Variants in CCDC178 observed in about 807,000 individuals in gnomAD.
CCDC178 encodes coiled-coil domain containing 178, also known as coiled-coil domain-containing protein 178.
Under a neutral mutation model 117.4 loss-of-function variants are expected in CCDC178, and 126 were observed. The ratio of observed to expected loss-of-function variants is 1.07; its 90% CI spans 0.93 to 1.24. The LOEUF is 1.24. Among genes scored for constraint, CCDC178 ranks in the 50% most tolerant of loss-of-function variants. CCDC178 has a pLI of 0.00. For missense variants in CCDC178, 1,030 were observed against 986.9 expected, an observed-to-expected ratio of 1.04 and a Z score of -0.59; for synonymous variants, 283 against 313.4, an observed-to-expected ratio of 0.90 and a Z score of 1.02.
intron 5 of CCDC178, among the ~76,000 whole-genome samples, chr18:33,372,020 T>A (rs1018833320): frequency 1.1e-4 from 16 of 152,244 alleles, no homozygotes; most frequent in Non-Finnish European, 2.2e-4. Flanking sequence ...AGAATAGTAA[T>A]GATTCCTTTT....
chr18:33,217,089 T>C (rs1305430567), intron 18 of CCDC178, among the ~76,000 whole-genome samples: 1 of 152,116 alleles, frequency 6.6e-6, no homozygotes, highest in Non-Finnish European at 1.5e-5. Flanking sequence ...ATATTTATGA[T>C]CTGGTCATCT....
At position 33,047,413 on chromosome 18, in the gene CCDC178, A is replaced by T. The variant is rs527306205; in HGVS notation, c.2388+45348T>A. On this transcript the variant is annotated intron_variant, in intron 21 of 22. Coordinates refer to ENST00000383096, the MANE Select transcript of CCDC178 (RefSeq NM_001105528.4). Reference sequence around the variant, plus strand: ...GGTTTCATTTTTGTGATATATCTGCATTTCACTGGCTATGTTTGTCAACTA... The same window carrying T: ...GGTTTCATTTTTGTGATATATCTGCTTTTCACTGGCTATGTTTGTCAACTA... Among the ~76,000 whole-genome samples, 12 of 152,300 alleles carry T rather than the reference A, an allele frequency of 7.9e-5. No individual in the cohort carries two copies. The East Asian group carries it at 2.3e-3, about 29-fold the overall frequency.
chr18:33,268,782 C>G (rs2059851978), intron 12 of CCDC178, among the ~76,000 whole-genome samples: 1 of 151,230 alleles, frequency 6.6e-6, no homozygotes. Context: ...AAAACTCCCT[C>G]TTATATAAAT....
At chr18:33,167,791 C>T (rs1039393304) in intron 20 of CCDC178, among the ~76,000 whole-genome samples, 19 of 151,992 alleles carry the variant, frequency 1.3e-4, no homozygotes, top group African/African-American at 4.1e-4. Flanking sequence ...TGCATAACCC[C>T]GGAAGGTGGA....
rs1427894330 is a variant in CCDC178 at position 33,110,443 on chromosome 18, T to C, written c.2239-17533A>G. ...ATGTATTTCTTTCATGGTTGGTACT[T>C]GTGTCTCATTTAAAACAACTCTGGC... is the stretch of plus-strand genomic sequence containing the variant. On this transcript the variant is annotated intron_variant, in intron 20 of 22. Coordinates refer to ENST00000383096, the MANE Select transcript of CCDC178 (RefSeq NM_001105528.4). 2.6e-5 allele frequency among the ~76,000 whole-genome samples: 4 copies of C among 151,750 alleles called. No individual in the cohort carries two copies. The South Asian group carries it at 6.2e-4, about 24-fold the overall frequency.
chr18:33,408,813 A>T (rs1303383385), intron 3 of CCDC178, among the ~76,000 whole-genome samples: 1 of 152,188 alleles, frequency 6.6e-6, no homozygotes, highest in Non-Finnish European at 1.5e-5. Context: ...TGATACAAAT[A>T]AATGTGATGC....
intron 20 of CCDC178, among the ~76,000 whole-genome samples, chr18:33,131,669 T>G (rs1296131290): frequency 6.6e-6 from 1 of 151,726 alleles, no homozygotes. Flanking sequence ...GAATGATTGT[T>G]TCAGAGAAAT....
intron 20 of CCDC178, among the ~76,000 whole-genome samples, chr18:33,207,472 G>A (rs927578675): frequency 6.6e-6 from 1 of 151,004 alleles, no homozygotes. Context: ...AGTGGGGTAA[G>A]GCATTGCAAA....
At chr18:33,415,475 C>T (rs1217878198) in intron 2 of CCDC178, among the ~76,000 whole-genome samples, 3 of 151,432 alleles carry the variant, frequency 2.0e-5, no homozygotes, top group Non-Finnish European at 2.9e-5. Context: ...ACCGCATGTT[C>T]TCACTCATAG....
intron 20 of CCDC178, among the ~76,000 whole-genome samples, chr18:33,205,086 A>G (rs938523102): frequency 1.3e-5 from 2 of 152,104 alleles, no homozygotes; most frequent in Non-Finnish European, 1.5e-5. Context: ...GCAAAAATAT[A>G]ACTAAAAGTG....
intron 20 of CCDC178, among the ~76,000 whole-genome samples, chr18:33,187,571 C>T (rs1360224815): frequency 2.0e-5 from 3 of 151,962 alleles, no homozygotes; most frequent in Non-Finnish European, 2.9e-5. Flanking sequence ...TTTAAGTATG[C>T]ACCACATACA....
At chr18:33,339,636 G>A (rs2062788554) in intron 9 of CCDC178, among the ~76,000 whole-genome samples, 1 of 151,980 alleles carries the variant, frequency 6.6e-6, no homozygotes, top group Admixed American at 6.6e-5. Context: ...ACATGTTGTG[G>A]AAGGGACCCA....
At chr18:33,322,931 CAG>C (rs1157117730) in intron 11 of CCDC178, among the ~76,000 whole-genome samples, 1 of 150,682 alleles carries the variant, frequency 6.6e-6, no homozygotes, top group Admixed American at 6.6e-5. Flanking sequence ...TTACATCACA[CAG>C]AATCATAAAG....
chr18:33,025,072 T>C (rs749818429), intron 21 of CCDC178, among the ~76,000 whole-genome samples: 4 of 152,156 alleles, frequency 2.6e-5, no homozygotes, highest in Non-Finnish European at 5.9e-5. Flanking sequence ...AATATTTAAC[T>C]AGACAATGGG....
intron 21 of CCDC178, among the ~76,000 whole-genome samples, chr18:33,084,842 T>G (rs2057353325): frequency 6.6e-6 from 1 of 151,954 alleles, no homozygotes; most frequent in Non-Finnish European, 1.5e-5. Context: ...AGATTTGGAT[T>G]AATTTCTCCA....
intron 20 of CCDC178, among the ~76,000 whole-genome samples, chr18:33,096,338 T>TTTTTATATTTTATATAAAAATATAAAAA (rs1567985954): frequency 1.8e-5 from 2 of 108,482 alleles, no homozygotes. Context: ...AAATATAAAA[T>TTTTTATATTTTATATAAAAATATAAAAA]TTTTATATTT....
rs1205498088 is a variant in CCDC178 at position 33,421,969 on chromosome 18, T to C, written c.-22-9859A>G. Among the ~76,000 whole-genome samples the C allele has an allele frequency of 2.6e-5, 4 of 152,144 alleles. No individual in the cohort carries two copies. In the East Asian group the frequency reaches 7.7e-4, roughly 29 times the overall value. ...TACTTCAGAAACGAAACAGAAGAAA[T>C]CAGACTTAGATTTGAATTCACTATC... On this transcript the variant is annotated intron_variant, in intron 2 of 22. Coordinates refer to ENST00000383096, the MANE Select transcript of CCDC178 (RefSeq NM_001105528.4).
chr18:33,077,088 T>A (rs1391960841), intron 21 of CCDC178, among the ~76,000 whole-genome samples: 1 of 152,236 alleles, frequency 6.6e-6, no homozygotes, highest in Non-Finnish European at 1.5e-5. Flanking sequence ...CATTGCTTAA[T>A]CATATTCATG....
intron 5 of CCDC178, among the ~76,000 whole-genome samples, chr18:33,376,829 C>T (rs931140047): frequency 1.3e-5 from 2 of 152,200 alleles, no homozygotes; most frequent in African/African-American, 2.4e-5. Context: ...ATATGCACCA[C>T]ATTTTCTTTA....
Sources: gnomAD v4.1 joint callset for allele counts (sites outside exome capture counted in the v4.1 genomes callset) on GRCh38, gnomAD v4.1.1 for gene constraint, MANE v1.5 for transcripts, NCBI Gene and HGNC (gene_info 2026-07-23, HGNC 2026-07-21) for gene names.